Variants in SORCS2 observed in about 807,000 individuals in gnomAD.
SORCS2 encodes sortilin related VPS10 domain containing receptor 2, also known as VPS10 domain-containing receptor SorCS2.
In SORCS2, 100 loss-of-function variants were observed where a neutral mutation model predicts 141.6. The observed-to-expected ratio is 0.71, with a 90% CI of 0.60 to 0.83. The LOEUF (loss-of-function observed/expected upper bound fraction) is 0.83. SORCS2 is among the 40% of genes least tolerant of loss of function. SORCS2 has a pLI of 0.00. For synonymous variants in SORCS2, 789 were observed against 676.9 expected, an observed-to-expected ratio of 1.17 and a Z score of -2.57; for missense variants, 1,646 against 1,560.2, an observed-to-expected ratio of 1.05 and a Z score of -0.93.
chr4:7,591,686 A>T (rs910350788), intron 3 of SORCS2, among the ~76,000 whole-genome samples: 17 of 152,114 alleles, frequency 1.1e-4, no homozygotes, highest in Admixed American at 6.5e-5. Context: ...GTTAGCTCTG[A>T]AGAAAACCCC....
intron 2 of SORCS2, among the ~76,000 whole-genome samples, chr4:7,470,572 G>A (rs556791866): frequency 2.6e-5 from 4 of 152,250 alleles, no homozygotes; most frequent in Admixed American, 6.5e-5. Flanking sequence ...AGGAGAACCC[G>A]GTAGCTGCTG....
At chr4:7,641,899 T>C (rs1577885119) in intron 4 of SORCS2, among the ~76,000 whole-genome samples, 2 of 141,704 alleles carry the variant, frequency 1.4e-5, no homozygotes, top group South Asian at 2.2e-4. Context: ...GATGGATGGG[T>C]GGTTGGATGG....
At chr4:7,561,817 A>T (rs183868720) in intron 3 of SORCS2, among the ~76,000 whole-genome samples, 1 of 151,614 alleles carries the variant, frequency 6.6e-6, no homozygotes, top group African/African-American at 2.4e-5. Context: ...CTATACATCC[A>T]TTCATCTGCC....
intron 11 of SORCS2, 102 bp from the exon 12 acceptor site, chr4:7,697,096 G>C: frequency 1.1e-6 from 1 of 949,112 alleles, no homozygotes; most frequent in Non-Finnish European, 1.6e-6. Context: ...GAGACCCGGG[G>C]CACTGGCCAC....
Position 7,412,887 on chromosome 4 carries a change from C to T in SORCS2, c.548+16532C>T, listed in dbSNP as rs938112672. 2.6e-5 allele frequency among the ~76,000 whole-genome samples: 4 copies of T among 152,296 alleles called. No homozygotes were observed. The East Asian group carries it at 5.8e-4, about 22-fold the overall frequency. On this transcript the variant is annotated intron_variant, in intron 2 of 26. Coordinates refer to ENST00000507866, the MANE Select transcript of SORCS2 (RefSeq NM_020777.3). ...GCCACAGCCCCCATCCTGTCCCCAC[C>T]ATGGCAGGCACCTCCTTGTCTCTAG...
intron 26 of SORCS2, among the ~76,000 whole-genome samples, chr4:7,739,395 G>T (rs1712467610): frequency 6.6e-6 from 1 of 152,122 alleles, no homozygotes; most frequent in Admixed American, 6.5e-5. Flanking sequence ...GGAAGACAGG[G>T]CTCGGCTCCC....
chr4:7,688,982 A>G (rs1301851112), intron 10 of SORCS2, among the ~76,000 whole-genome samples: 2 of 152,202 alleles, frequency 1.3e-5, no homozygotes, highest in Non-Finnish European at 2.9e-5. Context: ...TGCCAGGGAT[A>G]CTGTGGTCAC....
At chr4:7,508,900 G>A (rs1381184892) in intron 2 of SORCS2, among the ~76,000 whole-genome samples, 1 of 152,216 alleles carries the variant, frequency 6.6e-6, no homozygotes, top group Admixed American at 6.5e-5. Context: ...TGGAGGGAGT[G>A]AGCAGAAGTT....
intron 9 of SORCS2, among the ~76,000 whole-genome samples, chr4:7,680,779 G>T (rs1236391787): frequency 2.0e-5 from 3 of 152,316 alleles, no homozygotes; most frequent in East Asian, 1.9e-4. Context: ...AAAAGAGCCT[G>T]CCCTGCCCCC....
At chr4:7,551,271 C>G (rs1323277146) in intron 3 of SORCS2, among the ~76,000 whole-genome samples, 1 of 116,078 alleles carries the variant, frequency 8.6e-6, no homozygotes, top group African/African-American at 2.9e-5. Context: ...AATCCTCAGG[C>G]CAGAGTTCCA....
At chr4:7,455,735 G>A in intron 2 of SORCS2, among the ~76,000 whole-genome samples, 1 of 150,994 alleles carries the variant, frequency 6.6e-6, no homozygotes, top group East Asian at 2.0e-4. Flanking sequence ...ACCATCTTGG[G>A]GTCAGGCTCC....
chr4:7,249,453 G>A (rs957345024), intron 1 of SORCS2, among the ~76,000 whole-genome samples: 2 of 152,190 alleles, frequency 1.3e-5, no homozygotes, highest in Admixed American at 6.5e-5. Flanking sequence ...TCTGTGGGCC[G>A]AGAAGTTGCA....
At chr4:7,417,148 G>A (rs1560267287) in intron 2 of SORCS2, among the ~76,000 whole-genome samples, 2 of 152,180 alleles carry the variant, frequency 1.3e-5, no homozygotes, top group African/African-American at 4.8e-5. Flanking sequence ...AGTGTGCACT[G>A]AAGGATGGAG....
Position 7,734,359 on chromosome 4 carries a change from T to C in SORCS2, c.3296T>C (p.Leu1099Pro), listed in dbSNP as rs763604560. The change falls in exon 25 of 27, where the codon CTC becomes CCC. Residue 1099 changes from leucine to proline, a missense_variant. By Grantham distance (98) the Leu-to-Pro change is moderately conservative (BLOSUM62 -3). Coordinates refer to ENST00000507866, the MANE Select transcript of SORCS2 (RefSeq NM_020777.3). ...CTCTTCGCAGCGGGAGCCTTCATCC[T>C]CTACAAGTTCAAAAGGCAAGGCCCT... Reference protein sequence around the residue: ...IGLFAAGAFILYKFKRKRPGR... With the variant: ...IGLFAAGAFIPYKFKRKRPGR... 6 of 1,563,462 alleles carry C rather than the reference T, an allele frequency of 3.8e-6. No individual in the cohort carries two copies. The South Asian group carries it at 7.3e-5, about 19-fold the overall frequency.
intron 1 of SORCS2, among the ~76,000 whole-genome samples, chr4:7,354,127 C>T (rs980339899): frequency 1.8e-4 from 28 of 152,304 alleles, no homozygotes; most frequent in African/African-American, 3.8e-4. Flanking sequence ...GTTCTCTGCA[C>T]GGACCCCACC....
intron 2 of SORCS2, among the ~76,000 whole-genome samples, chr4:7,467,458 A>T (rs531622561): frequency 6.6e-6 from 1 of 152,324 alleles, no homozygotes; most frequent in South Asian, 2.1e-4. Context: ...CACAGCTCTC[A>T]TCATCACTCT....
At chr4:7,572,992 G>A (rs1715500084) in intron 3 of SORCS2, among the ~76,000 whole-genome samples, 1 of 152,180 alleles carries the variant, frequency 6.6e-6, no homozygotes, top group Admixed American at 6.5e-5. Context: ...AATCCCTTTG[G>A]AAAGGAGAGC....
At chr4:7,326,106 A>C (rs554130450) in intron 1 of SORCS2, among the ~76,000 whole-genome samples, 62 of 152,210 alleles carry the variant, frequency 4.1e-4, no homozygotes, top group Non-Finnish European at 2.1e-4. Flanking sequence ...GCTCAGAGGC[A>C]GGTGGTGAGG....
chr4:7,579,553 C>T (rs554951494), intron 3 of SORCS2, among the ~76,000 whole-genome samples: 23 of 152,300 alleles, frequency 1.5e-4, no homozygotes, highest in Admixed American at 3.9e-4. Flanking sequence ...TTTGGCTGCT[C>T]TCCTGGATTC....
Sources: allele counts gnomAD v4.1 joint callset (sites outside exome capture counted in the v4.1 genomes callset), GRCh38; gene constraint gnomAD v4.1.1; transcripts MANE v1.5; gene names NCBI Gene and HGNC (gene_info 2026-07-23, HGNC 2026-07-21).